ARHGEF38: variants seen among roughly 807,000 people sequenced by gnomAD.
ARHGEF38 encodes the protein Rho guanine nucleotide exchange factor 38, also known as Rho guanine nucleotide exchange factor (GEF) 38.
A neutral mutation model predicts 79.9 loss-of-function variants in ARHGEF38; 79 were observed. The ratio of observed to expected loss-of-function variants is 0.99; its 90% confidence interval spans 0.82 to 1.19. The LOEUF (loss-of-function observed/expected upper bound fraction) is 1.19. Among genes scored for constraint, ARHGEF38 ranks in the 50% most tolerant of loss-of-function variants. ARHGEF38 has a pLI of 0.00. For synonymous variants in ARHGEF38, 366 were observed against 328.3 expected (o/e 1.11, Z -1.24); for missense variants, 962 against 907.2 (o/e 1.06, Z -0.78).
chr4:105,654,427 T>C (rs1730240080), intron 8 of ARHGEF38, among the ~76,000 whole-genome samples: 1 of 152,222 alleles, frequency 6.6e-6, no homozygotes, highest in African/African-American at 2.4e-5. Flanking sequence ...GATGATTGCT[T>C]CATGGACTAT....
rs144669543 is a variant in ARHGEF38, at chr4:105,639,042, T to C, written c.674+2622T>C. 8.5e-5 allele frequency among the ~76,000 whole-genome samples: 13 copies of C among 152,166 alleles called. No individual in the cohort carries two copies. In the East Asian group the frequency reaches 2.3e-3, roughly 27 times the overall value. On this transcript the variant is annotated intron_variant, in intron 5 of 13. Transcript: ENST00000420470. The stretch of plus-strand genomic sequence containing the variant: ...AATTTATATTCTCACTACTCTTATG[T>C]CAATTGTTCATTTATCCACTACTTG...
chr4:105,601,270 C>T (rs191892885), intron 2 of ARHGEF38, among the ~76,000 whole-genome samples: 4 of 152,274 alleles, frequency 2.6e-5, no homozygotes, highest in Admixed American at 2.6e-4. Flanking sequence ...TTTGTTCTTG[C>T]TGTTTTCTTT....
In ARHGEF38 at chr4:105,589,252, G is replaced by A; in HGVS notation, c.201G>A (p.Lys67=). 6.2e-7 allele frequency: 1 copy of A among 1,606,310 alleles called. No individual in the cohort carries two copies. Among genetic ancestry groups the A allele is most frequent in the Non-Finnish European group, 8.5e-7 (1 of 1,178,012 alleles). The change falls in exon 2 of 14, where the codon AAG becomes AAA. Residue 67 remains lysine (K), a synonymous_variant. Coordinates refer to ENST00000420470, the MANE Select transcript of ARHGEF38 (RefSeq NM_001242729.2). ...GTATATGTTTTCATTTAACAGAAAA[G>A]ATGACTCCACAGGGTGAGTGTTCTG... ...RTEYNQKLQE[K]MTPQGECSVA... is the part of the protein sequence containing the mutation.
At chr4:105,624,361 T>C (rs542960675) in intron 3 of ARHGEF38, among the ~76,000 whole-genome samples, 1 of 152,372 alleles carries the variant, frequency 6.6e-6, no homozygotes, top group African/African-American at 2.4e-5. Context: ...TAAGAATTCA[T>C]GTCAGTTTTC....
intron 1 of ARHGEF38, among the ~76,000 whole-genome samples, chr4:105,581,227 G>A (rs1198413863): frequency 6.6e-6 from 1 of 152,056 alleles, no homozygotes; most frequent in African/African-American, 2.4e-5. Context: ...GATTTACTAG[G>A]AGTGCACCAG....
intron 1 of ARHGEF38, among the ~76,000 whole-genome samples, chr4:105,556,548 C>T (rs1725260806): frequency 6.6e-6 from 1 of 152,060 alleles, no homozygotes; most frequent in South Asian, 2.1e-4. Flanking sequence ...GCATTTTAAC[C>T]TCTTCACTGT....
chr4:105,653,201 C>CA (rs376461040), intron 7 of ARHGEF38, among the ~76,000 whole-genome samples: 6 of 150,688 alleles, frequency 4.0e-5, no homozygotes, highest in South Asian at 2.1e-4. Flanking sequence ...TGTAAGATGA[C>CA]AAAAAAAACT....
chr4:105,572,726 T>G (rs556749330), intron 1 of ARHGEF38, among the ~76,000 whole-genome samples: 1 of 152,312 alleles, frequency 6.6e-6, no homozygotes, highest in East Asian at 1.9e-4. Context: ...TCCCTTTCTT[T>G]TTAAAGCTTG....
intron 5 of ARHGEF38, among the ~76,000 whole-genome samples, chr4:105,641,450 T>C (rs9999133): frequency 0.32 from 49,324 of 151,990 alleles, 10,992 homozygotes; most frequent in African/African-American, 0.63. Context: ...TTTTCACTAT[T>C]ATCTTTTATT....
chr4:105,674,294 T>C (rs1320814902), intron 13 of ARHGEF38, among the ~76,000 whole-genome samples: 1 of 152,136 alleles, frequency 6.6e-6, no homozygotes, highest in Non-Finnish European at 1.5e-5. Flanking sequence ...CAGAGCTTTA[T>C]AGAGTAGAAA....
chr4:105,678,124 A>G lies in ARHGEF38; in HGVS notation c.*187A>G. 1 of 432,192 alleles carries G rather than the reference A, an allele frequency of 2.3e-6. No homozygotes were observed. Among genetic ancestry groups the G allele is most frequent in the Non-Finnish European group, 3.9e-6 (1 of 253,410 alleles). The allele number at this position is 432,192 out of a possible 1,614,324, so 26.8% of individuals were successfully genotyped here. Reference sequence around the variant, plus strand: ...TGCATGAATGTATTATAAAGGATACATGTTGAAAGAAATACTAAGCCAACA... The same window carrying G: ...TGCATGAATGTATTATAAAGGATACGTGTTGAAAGAAATACTAAGCCAACA... On this transcript the variant is annotated 3_prime_UTR_variant, in exon 14 of 14. Transcript: ENST00000420470.
chr4:105,659,509 A>G (rs1730476768), intron 10 of ARHGEF38, 144 bp downstream of exon 10: 1 of 864,138 alleles, frequency 1.2e-6, no homozygotes, highest in African/African-American at 1.7e-5. Flanking sequence ...CCAGTCAGAT[A>G]GTCTCCTGTT....
chr4:105,587,039 T>C (rs1359708113), intron 1 of ARHGEF38, among the ~76,000 whole-genome samples: 1 of 152,190 alleles, frequency 6.6e-6, no homozygotes, highest in East Asian at 1.9e-4. Flanking sequence ...TAAGGTGTCC[T>C]GTCTTCCTCT....
In ARHGEF38 at chr4:105,659,078, C is replaced by T; in HGVS notation, c.1258C>T (p.Leu420=). 3 of 1,535,842 alleles carry T rather than the reference C, an allele frequency of 2.0e-6. No individual in the cohort carries two copies. Among genetic ancestry groups the T allele is most frequent in the Non-Finnish European group, 1.7e-6 (2 of 1,146,694 alleles). The change falls in exon 10 of 14, where the codon CTG becomes TTG. Residue 420 remains leucine (L), a synonymous_variant. Transcript: ENST00000420470. ...DFASHLQRLI[L]TPLSALLSLF... ...GGCATCTCACTTACAGAGACTCATCCTGACCCCCTTGTCAGCCCTGCTGTC... is the reference window on the plus strand; with the variant it reads ...GGCATCTCACTTACAGAGACTCATCTTGACCCCCTTGTCAGCCCTGCTGTC...
At chr4:105,587,112 G>A (rs939915581) in intron 1 of ARHGEF38, among the ~76,000 whole-genome samples, 1 of 152,048 alleles carries the variant, frequency 6.6e-6, no homozygotes, top group Admixed American at 6.5e-5. Context: ...CAAATCTGGG[G>A]CACTGAGAGG....
chr4:105,682,551 G>C, downstream of ARHGEF38: 1 of 542,854 alleles, frequency 1.8e-6, no homozygotes, highest in South Asian at 2.9e-5. Flanking sequence ...TAAAAATGTT[G>C]AAGATTGATT....
Position 105,659,336 on chromosome 4 carries a change from G to T in ARHGEF38, c.1516G>T (p.Ala506Ser), listed in dbSNP as rs1730468840. 2 of 1,535,242 alleles carry T rather than the reference G, an allele frequency of 1.3e-6. No homozygotes were observed. The highest frequency in any genetic ancestry group is 8.7e-7 in the Non-Finnish European group (1 of 1,146,784). The stretch of plus-strand genomic sequence containing the variant: ...CCTCCTTAGGGACCTGATGCTCGTG[G>T]CACAGCAGGCTTACTCCACACTTGT... ...ITLLRDLMLV[A>S]QQAYSTLVPM... is the part of the protein sequence containing the mutation. Residue 506 changes from alanine to serine, a missense_variant, in exon 10 of 14, where the codon GCA becomes TCA. Physicochemically the swap from Ala to Ser is moderately conservative, Grantham distance 99. Coordinates refer to ENST00000420470, the MANE Select transcript of ARHGEF38 (RefSeq NM_001242729.2).
chr4:105,653,017 A>T (rs923740198), intron 7 of ARHGEF38, among the ~76,000 whole-genome samples: 2 of 152,222 alleles, frequency 1.3e-5, no homozygotes, highest in African/African-American at 2.4e-5. Context: ...TATTCCATGA[A>T]GCATTTGCAC....
Position 105,620,439 on chromosome 4 carries a change from T to A in ARHGEF38, c.508+6932T>A, listed in dbSNP as rs75074076. Among the ~76,000 whole-genome samples, 1,311 of 152,332 alleles carry A rather than the reference T, an allele frequency of 8.6e-3. 19 individuals carry two copies. The highest frequency in any genetic ancestry group is 0.03 in the African/African-American group (1,265 of 41,576). ...ATTTGACAAAATTATGTGTACAGAA[T>A]GATAGCCCAGTGCCTATCCCTAATT... is the stretch of plus-strand genomic sequence containing the variant. On this transcript the variant is annotated intron_variant, in intron 3 of 13. Transcript: ENST00000420470.
Sources: allele counts gnomAD v4.1 joint callset (sites outside exome capture counted in the v4.1 genomes callset), GRCh38; gene constraint gnomAD v4.1.1; transcripts MANE v1.5; gene names NCBI Gene and HGNC (gene_info 2026-07-23, HGNC 2026-07-21).